The following STK4 variants were observed in gnomAD, a reference collection of about 807,000 sequenced individuals.
The protein encoded by STK4 is serine/threonine-protein kinase 4.
In STK4, 30 loss-of-function variants were observed where a neutral mutation model predicts 64.9. That is an observed-to-expected ratio of 0.46 (90% confidence interval 0.35 to 0.63). The LOEUF is 0.63. Ranked by LOEUF, STK4 falls within the 20% of genes least tolerant of loss-of-function variation. The pLI is 0.01. For synonymous variants in STK4, 177 were observed against 199.0 expected, an observed-to-expected ratio of 0.89 and a Z score of 0.93; for missense variants, 466 against 598.5, an observed-to-expected ratio of 0.78 and a Z score of 2.31.
At chr20:45,048,491 C>CA (rs1292382176) in intron 10 of STK4, among the ~76,000 whole-genome samples, 1 of 151,974 alleles carries the variant, frequency 6.6e-6, no homozygotes, top group Non-Finnish European at 1.5e-5. Flanking sequence ...CCTGCTAGTT[C>CA]ACACATTGTT....
chr20:45,060,527 GAC>G (rs1285961317), intron 10 of STK4, among the ~76,000 whole-genome samples: 1 of 152,050 alleles, frequency 6.6e-6, no homozygotes, highest in Non-Finnish European at 1.5e-5. Flanking sequence ...ATGTTGCCTT[GAC>G]ACACAGTTGG....
chr20:44,988,771 G>A (rs763309745), intron 5 of STK4, among the ~76,000 whole-genome samples: 14 of 151,650 alleles, frequency 9.2e-5, no homozygotes, highest in South Asian at 4.2e-4. Flanking sequence ...AAAATAAACT[G>A]TACCCTTTAG....
chr20:45,048,455 A>C (rs2068728922), intron 10 of STK4, among the ~76,000 whole-genome samples: 1 of 152,098 alleles, frequency 6.6e-6, no homozygotes, highest in Non-Finnish European at 1.5e-5. Context: ...GAAGACCTAC[A>C]CTTATTTCAC....
chr20:44,985,236 AATG>A (rs2067511868), intron 4 of STK4, among the ~76,000 whole-genome samples: 1 of 152,186 alleles, frequency 6.6e-6, no homozygotes, highest in Non-Finnish European at 1.5e-5. Context: ...TTATGTATAA[AATG>A]ATGATGATAA....
At chr20:45,061,901 A>T (rs1600559942) in intron 10 of STK4, among the ~76,000 whole-genome samples, 1 of 101,976 alleles carries the variant, frequency 9.8e-6, no homozygotes, top group African/African-American at 3.8e-5. Flanking sequence ...TTTGAGATGG[A>T]GTCTTGCTCT....
At chr20:45,007,648 G>A (rs760414481) in intron 9 of STK4, 28 of 255,516 alleles carry the variant, frequency 1.1e-4, no homozygotes, top group Non-Finnish European at 2.1e-4. Flanking sequence ...ATTCATAGGC[G>A]TTAGATCCAT....
chr20:45,069,795 G>A (rs1449278793), intron 10 of STK4, among the ~76,000 whole-genome samples: 1 of 152,114 alleles, frequency 6.6e-6, no homozygotes, highest in Non-Finnish European at 1.5e-5. Context: ...CCAGTATTAC[G>A]TTTAGCATAG....
At chr20:45,062,667 GT>G (rs1979143745) in intron 10 of STK4, among the ~76,000 whole-genome samples, 1 of 150,862 alleles carries the variant, frequency 6.6e-6, no homozygotes, top group Admixed American at 6.6e-5. Flanking sequence ...GTTTTTTTTT[GT>G]TTTGTTTTGA....
At position 45,030,090 on chromosome 20, in the gene STK4, T is replaced by A. The variant is rs116596527; in HGVS notation, c.1305+4960T>A. On this transcript the variant is annotated intron_variant, in intron 10 of 10. Coordinates refer to ENST00000372806, the MANE Select transcript of STK4 (RefSeq NM_006282.5). ...AGGATATGTGTCAGACTTGCTAACATGTTTCCCTCACAGTTGCTTTTTTTT... is the reference window on the plus strand; with the variant it reads ...AGGATATGTGTCAGACTTGCTAACAAGTTTCCCTCACAGTTGCTTTTTTTT... 1.3e-3 allele frequency among the ~76,000 whole-genome samples: 201 copies of A among 150,492 alleles called. 1 individual carries two copies. Among genetic ancestry groups the A allele is most frequent in the African/African-American group, 4.7e-3 (194 of 40,928 alleles).
In STK4 at chr20:45,025,822, A is replaced by G. The variant is rs2068334504; in HGVS notation, c.1305+692A>G. The stretch of plus-strand genomic sequence containing the variant: ...TCTGAAGTTTGATCCTCCATCTGTC[A>G]TAATTCTGTTGTTTATAAAAGAACT... On this transcript the variant is annotated intron_variant, in intron 10 of 10. Transcript: ENST00000372806. Among the ~76,000 whole-genome samples, 4 of 152,180 alleles carry G rather than the reference A, an allele frequency of 2.6e-5. No individual in the cohort carries two copies. In the South Asian group the frequency reaches 8.3e-4, roughly 31 times the overall value.
intron 10 of STK4, among the ~76,000 whole-genome samples, chr20:45,073,302 C>T (rs1025014607): frequency 2.0e-5 from 3 of 152,070 alleles, no homozygotes; most frequent in Admixed American, 6.6e-5. Flanking sequence ...CCCACACTCT[C>T]AAGTCTTCCA....
intron 6 of STK4, 120 bp downstream of exon 6, chr20:44,995,377 G>A: frequency 1.6e-6 from 2 of 1,215,374 alleles, no homozygotes; most frequent in African/African-American, 1.6e-5. Flanking sequence ...AGGCTGAGGT[G>A]GATGGATCAC....
intron 10 of STK4, among the ~76,000 whole-genome samples, chr20:45,035,990 A>AC (rs397782955): frequency 1.3e-5 from 2 of 152,126 alleles, no homozygotes; most frequent in Admixed American, 1.3e-4. Context: ...GGGTAAAAAA[A>AC]CTGAGGCTTA....
intron 9 of STK4, among the ~76,000 whole-genome samples, chr20:45,004,845 T>A (rs964970351): frequency 6.6e-6 from 1 of 151,418 alleles, no homozygotes; most frequent in Non-Finnish European, 1.5e-5. Flanking sequence ...CTTGGCTCAC[T>A]GCAACCTCCG....
chr20:44,999,819 G>A (rs1369129305), intron 7 of STK4, among the ~76,000 whole-genome samples: 1 of 152,184 alleles, frequency 6.6e-6, no homozygotes, highest in Non-Finnish European at 1.5e-5. Flanking sequence ...CAAGTCAGAT[G>A]AGTAGATTTT....
chr20:45,061,149 C>T (rs1978960854), intron 10 of STK4, among the ~76,000 whole-genome samples: 1 of 152,132 alleles, frequency 6.6e-6, no homozygotes, highest in African/African-American at 2.4e-5. Flanking sequence ...CAAAACAAAA[C>T]AAAACAGGTG....
intron 9 of STK4, among the ~76,000 whole-genome samples, chr20:45,005,623 G>A (rs1329021934): frequency 6.8e-6 from 1 of 147,780 alleles, no homozygotes; most frequent in Non-Finnish European, 1.5e-5. Flanking sequence ...ACTCCAGCCT[G>A]GGCAACAGAG....
chr20:45,039,476 T>C (rs956432912), intron 10 of STK4, among the ~76,000 whole-genome samples: 3 of 152,124 alleles, frequency 2.0e-5, no homozygotes, highest in African/African-American at 7.2e-5. Flanking sequence ...ACACTCTTAG[T>C]TGTTTTCCTT....
intron 9 of STK4, among the ~76,000 whole-genome samples, chr20:45,007,279 G>A (rs1460380305): frequency 2.0e-5 from 3 of 152,156 alleles, no homozygotes; most frequent in Non-Finnish European, 1.5e-5. Context: ...TTGGCTGGAC[G>A]CAGTAGCTCA....
Sources: gnomAD v4.1 joint callset for allele counts (sites outside exome capture counted in the v4.1 genomes callset) on GRCh38, gnomAD v4.1.1 for gene constraint, MANE v1.5 for transcripts, NCBI Gene and HGNC (gene_info 2026-07-23, HGNC 2026-07-21) for gene names.